The following ULK4 variants were observed in gnomAD, a reference collection of about 807,000 sequenced individuals.
The protein encoded by ULK4 is inactive serine/threonine-protein kinase ULK4.
Under a neutral mutation model 160.6 loss-of-function variants are expected in ULK4, and 133 were observed. That is an observed-to-expected ratio of 0.83 (90% confidence interval 0.72 to 0.96). The LOEUF (loss-of-function observed/expected upper bound fraction) is 0.96. ULK4 is among the 40% of genes least tolerant of loss of function. The pLI, the probability that ULK4 is intolerant of heterozygous loss-of-function variation, is 0.00. For missense variants in ULK4, 1,580 were observed against 1,499.5 expected, an observed-to-expected ratio of 1.05 and a Z score of -0.89; for synonymous variants, 534 against 539.8, an observed-to-expected ratio of 0.99 and a Z score of 0.15.
At chr3:41,518,628 T>G (rs2085828075) in intron 32 of ULK4, among the ~76,000 whole-genome samples, 1 of 152,226 alleles carries the variant, frequency 6.6e-6, no homozygotes, top group Non-Finnish European at 1.5e-5. Context: ...AGTAATGTGC[T>G]TCAATAATGC....
At position 41,867,010 on chromosome 3, in the gene ULK4, T is replaced by C. The variant is rs79126385; in HGVS notation, c.1656+16864A>G. 5.7e-3 allele frequency among the ~76,000 whole-genome samples: 864 copies of C among 152,330 alleles called. 9 individuals carry two copies. Among genetic ancestry groups the C allele is most frequent in the African/African-American group, 0.02 (828 of 41,576 alleles). ...TTCTTTTGATCAATCTAGCTAGAGA[T>C]TTAAAAATCTTATGCAATTTATCAA... is the stretch of plus-strand genomic sequence containing the variant. On this transcript the variant is annotated intron_variant, in intron 17 of 36. Transcript: ENST00000301831.
intron 30 of ULK4, among the ~76,000 whole-genome samples, chr3:41,639,257 T>A (rs1235034244): frequency 6.6e-6 from 1 of 152,192 alleles, no homozygotes; most frequent in Non-Finnish European, 1.5e-5. Flanking sequence ...ACCATAGAAA[T>A]TCTTTGTTGC....
intron 3 of ULK4, among the ~76,000 whole-genome samples, chr3:41,936,255 C>T (rs1275072626): frequency 1.3e-5 from 2 of 152,198 alleles, no homozygotes; most frequent in African/African-American, 2.4e-5. Context: ...CAAAACTGTG[C>T]ACTTAAATCA....
chr3:41,496,404 G>A (rs1211340784), intron 32 of ULK4, among the ~76,000 whole-genome samples: 1 of 152,042 alleles, frequency 6.6e-6, no homozygotes, highest in Non-Finnish European at 1.5e-5. Flanking sequence ...ACTCCTGAGA[G>A]AGGAAAAACA....
chr3:41,328,454 A>C (rs1388471919), intron 35 of ULK4, among the ~76,000 whole-genome samples: 1 of 152,108 alleles, frequency 6.6e-6, no homozygotes, highest in Non-Finnish European at 1.5e-5. Context: ...TGTAGAAACC[A>C]GGATGAGAAA....
intron 22 of ULK4, among the ~76,000 whole-genome samples, chr3:41,741,572 T>C (rs997678414): frequency 4.6e-5 from 7 of 151,974 alleles, no homozygotes; most frequent in African/African-American, 1.7e-4. Flanking sequence ...TTCACACTTT[T>C]ATTTCTAGTG....
chr3:41,323,916 CT>C (rs1559524962), intron 35 of ULK4, among the ~76,000 whole-genome samples: 1 of 152,136 alleles, frequency 6.6e-6, no homozygotes, highest in Non-Finnish European at 1.5e-5. Flanking sequence ...AGTTACTTCC[CT>C]GGGTTCATAA....
chr3:41,873,285 C>T (rs1337798320), intron 17 of ULK4, among the ~76,000 whole-genome samples: 3 of 143,676 alleles, frequency 2.1e-5, no homozygotes, highest in Non-Finnish European at 4.5e-5. Flanking sequence ...TTCCAAGGCT[C>T]TTAGCTCCAT....
intron 34 of ULK4, among the ~76,000 whole-genome samples, chr3:41,443,444 T>C (rs2083218412): frequency 6.6e-6 from 1 of 152,202 alleles, no homozygotes; most frequent in Non-Finnish European, 1.5e-5. Context: ...AATGGATGCA[T>C]AGTAAGCAAA....
intron 35 of ULK4, among the ~76,000 whole-genome samples, chr3:41,275,628 GA>G (rs2079216323): frequency 6.6e-6 from 1 of 151,364 alleles, no homozygotes; most frequent in South Asian, 2.1e-4. Flanking sequence ...TAGGGGGTGG[GA>G]AAAAATCAGT....
chr3:41,702,908 C>T (rs555339821), intron 27 of ULK4, among the ~76,000 whole-genome samples: 5 of 144,772 alleles, frequency 3.5e-5, no homozygotes, highest in African/African-American at 1.1e-4. Context: ...GCCTGGAGTG[C>T]AGCAGCACAA....
intron 19 of ULK4, among the ~76,000 whole-genome samples, chr3:41,810,823 T>C (rs184991019): frequency 6.6e-6 from 1 of 152,322 alleles, no homozygotes; most frequent in East Asian, 1.9e-4. Context: ...ATTTCCTTTT[T>C]TTCCCTCTCA....
chr3:41,441,132 T>C (rs533947714), intron 34 of ULK4, among the ~76,000 whole-genome samples: 7 of 152,234 alleles, frequency 4.6e-5, no homozygotes, highest in Non-Finnish European at 1.0e-4. Context: ...TCCTAGTTCC[T>C]TATTTTTGAT....
At chr3:41,351,253 CCA>C (rs756970422) in intron 35 of ULK4, among the ~76,000 whole-genome samples, 45 of 152,278 alleles carry the variant, frequency 3.0e-4, no homozygotes, top group Non-Finnish European at 5.1e-4. Context: ...AGGTAACTCA[CCA>C]CAGAGGGAAA....
At chr3:41,721,269 T>C (rs1405009169) in intron 22 of ULK4, among the ~76,000 whole-genome samples, 5 of 109,118 alleles carry the variant, frequency 4.6e-5, no homozygotes, top group African/African-American at 1.9e-4. Context: ...TTTTTTTTTT[T>C]TTTTTTTTTT....
chr3:41,289,348 T>A (rs1318731829), intron 35 of ULK4, among the ~76,000 whole-genome samples: 1 of 152,152 alleles, frequency 6.6e-6, no homozygotes, highest in Non-Finnish European at 1.5e-5. Flanking sequence ...CTGGAACACA[T>A]GATTAAATCC....
At chr3:41,255,276 G>A (rs929010020) in intron 35 of ULK4, among the ~76,000 whole-genome samples, 2 of 152,082 alleles carry the variant, frequency 1.3e-5, no homozygotes, top group South Asian at 4.1e-4. Context: ...AAGGTCAGGA[G>A]TTTGAGACCA....
At chr3:41,434,685 G>C in intron 34 of ULK4, among the ~76,000 whole-genome samples, 1 of 152,014 alleles carries the variant, frequency 6.6e-6, no homozygotes, top group East Asian at 1.9e-4. Context: ...ACTCAGAAGG[G>C]GGCAAATCCG....
At chr3:41,653,770 C>T (rs59162796) in intron 30 of ULK4, among the ~76,000 whole-genome samples, 8,814 of 152,268 alleles carry the variant, frequency 0.058, 853 homozygotes, top group African/African-American at 0.2. Flanking sequence ...AGGCCTCACA[C>T]AAAAACAGGC....
Sources: allele counts gnomAD v4.1 joint callset (sites outside exome capture counted in the v4.1 genomes callset), GRCh38; gene constraint gnomAD v4.1.1; transcripts MANE v1.5; gene names NCBI Gene and HGNC (gene_info 2026-07-23, HGNC 2026-07-21).